ADAD1: variants seen among roughly 807,000 people sequenced by gnomAD.
The protein encoded by ADAD1 is adenosine deaminase domain-containing protein 1.
In ADAD1, 46 loss-of-function variants were observed where a neutral mutation model predicts 66.8. The observed-to-expected ratio is 0.69, with a 90% CI of 0.54 to 0.88. The LOEUF (loss-of-function observed/expected upper bound fraction) is 0.88. Among genes scored for constraint, ADAD1 ranks in the 40% least tolerant of loss-of-function variants. The pLI is 0.00. For missense variants in ADAD1, 617 were observed against 681.8 expected (o/e 0.91, Z 1.06); for synonymous variants, 248 against 229.4 (o/e 1.08, Z -0.73).
intron 5 of ADAD1, among the ~76,000 whole-genome samples, chr4:122,385,771 C>T (rs912934592): frequency 6.6e-6 from 1 of 152,140 alleles, no homozygotes; most frequent in Non-Finnish European, 1.5e-5. Context: ...TCAGCTCCCA[C>T]TTATGAGTGA....
chr4:122,386,106 A>G (rs1795159601), intron 5 of ADAD1, among the ~76,000 whole-genome samples: 1 of 152,124 alleles, frequency 6.6e-6, no homozygotes. Context: ...TAGATCCTTG[A>G]AGAATCACCA....
chr4:122,415,037 A>T (rs368723113), intron 10 of ADAD1, among the ~76,000 whole-genome samples: 2 of 152,144 alleles, frequency 1.3e-5, no homozygotes, highest in Non-Finnish European at 2.9e-5. Flanking sequence ...AGAAATCAGC[A>T]TACAATGCGG....
At chr4:122,415,813 A>T (rs1406194136) in intron 11 of ADAD1, among the ~76,000 whole-genome samples, 197 bp downstream of exon 11, 1 of 152,074 alleles carries the variant, frequency 6.6e-6, no homozygotes, top group East Asian at 1.9e-4. Context: ...TTTTCTGATG[A>T]GAAGACAGAT....
At chr4:122,380,495 A>C (rs1794840736) in intron 3 of ADAD1, 1 of 464,450 alleles carries the variant, frequency 2.2e-6, no homozygotes, top group Non-Finnish European at 3.8e-6. Context: ...TGCCTTTCTG[A>C]GGTGAGGCGC....
Position 122,389,236 on chromosome 4 carries a change from G to A in ADAD1, c.530-4353G>A, listed in dbSNP as rs368055832. On this transcript the variant is annotated intron_variant, in intron 5 of 12. Coordinates refer to ENST00000296513, the MANE Select transcript of ADAD1 (RefSeq NM_139243.4). Reference sequence around the variant, plus strand: ...TGCACTGTAGTCTGAGAGACTGTTAGGATTTCAGTTCTTTTGCATTTGCTG... The same window carrying A: ...TGCACTGTAGTCTGAGAGACTGTTAAGATTTCAGTTCTTTTGCATTTGCTG... 2.6e-5 allele frequency among the ~76,000 whole-genome samples: 4 copies of A among 151,334 alleles called. No individual in the cohort carries two copies. In the East Asian group the frequency reaches 5.9e-4, roughly 22 times the overall value.
At chr4:122,383,184 T>G (rs976502318) in intron 4 of ADAD1, among the ~76,000 whole-genome samples, 1 of 152,106 alleles carries the variant, frequency 6.6e-6, no homozygotes, top group Non-Finnish European at 1.5e-5. Context: ...GTTTAATTCT[T>G]TAGTTTATCA....
At chr4:122,412,523 G>A in intron 9 of ADAD1, 57 bp from the exon 10 acceptor site, 1 of 1,437,788 alleles carries the variant, frequency 7.0e-7, no homozygotes, top group East Asian at 2.3e-5. Context: ...GGTACAGGTA[G>A]ATTTTGTTCT....
At position 122,399,956 on chromosome 4, in the gene ADAD1, G is replaced by A. The variant is rs552655790; in HGVS notation, c.724+3579G>A. Among the ~76,000 whole-genome samples, 325 of 152,126 alleles carry A rather than the reference G, an allele frequency of 2.1e-3. 1 individual carries two copies. Among genetic ancestry groups the A allele is most frequent in the Non-Finnish European group, 3.9e-3 (266 of 67,940 alleles). The stretch of plus-strand genomic sequence containing the variant: ...ATCATACCATCAGTGAACAGTGACA[G>A]TTTGACTCCCTCTTTACTGATGTGG... On this transcript the variant is annotated intron_variant, in intron 7 of 12. Transcript: ENST00000296513.
intron 7 of ADAD1, among the ~76,000 whole-genome samples, chr4:122,396,751 C>T (rs1264875355): frequency 6.6e-6 from 1 of 152,076 alleles, no homozygotes; most frequent in Non-Finnish European, 1.5e-5. Flanking sequence ...ATGTTTTTAT[C>T]TTGTGTTAAC....
At chr4:122,422,325 A>G (rs2150603314) in intron 12 of ADAD1, among the ~76,000 whole-genome samples, 1 of 152,196 alleles carries the variant, frequency 6.6e-6, no homozygotes, top group Non-Finnish European at 1.5e-5. Context: ...GGGTTTCGCC[A>G]TGTTGGCCGG....
chr4:122,383,658 C>T, intron 4 of ADAD1, 141 bp from the exon 5 acceptor site: 1 of 897,628 alleles, frequency 1.1e-6, no homozygotes, highest in Non-Finnish European at 1.7e-6. Context: ...TCCTATTGGT[C>T]CTACAAAAGG....
intron 7 of ADAD1, among the ~76,000 whole-genome samples, chr4:122,406,201 A>T (rs1213774793): frequency 6.6e-6 from 1 of 152,196 alleles, no homozygotes; most frequent in Non-Finnish European, 1.5e-5. Context: ...CCAACAACAT[A>T]TAAGGGTTTT....
In ADAD1 at chr4:122,411,378, G is replaced by A; in HGVS notation, c.1005G>A (p.Gln335=). The A allele has an allele frequency of 5.6e-6, 9 of 1,611,174 alleles. No homozygotes were observed. Among genetic ancestry groups the A allele is most frequent in the Non-Finnish European group, 7.6e-6 (9 of 1,179,084 alleles). ...ACCAGTTGCCTAAAGGATCAGCCCA[G>A]ATTAAGTCACAGTTGTAAGTATTAT... is the stretch of plus-strand genomic sequence containing the variant. ...YMNQLPKGSA[Q]IKSQLRLNPH... Residue 335 remains glutamine (Q), a synonymous_variant, in exon 9 of 13, where the codon CAG becomes CAA. Coordinates refer to ENST00000296513, the MANE Select transcript of ADAD1 (RefSeq NM_139243.4).
intron 12 of ADAD1, among the ~76,000 whole-genome samples, chr4:122,425,476 A>G (rs1252905679): frequency 1.3e-5 from 2 of 152,058 alleles, no homozygotes; most frequent in African/African-American, 4.8e-5. Flanking sequence ...AAATATCTTG[A>G]ACTAAGTGAA....
intron 7 of ADAD1, 25 bp downstream of exon 7, chr4:122,396,402 C>T: frequency 6.5e-7 from 1 of 1,535,372 alleles, no homozygotes; most frequent in Non-Finnish European, 8.8e-7. Flanking sequence ...TTGGGAAAAA[C>T]TAATATTGTA....
rs1796402333 is a variant in ADAD1 at position 122,410,083 on chromosome 4, T to C, written c.849-1139T>C. Among the ~76,000 whole-genome samples, 3 of 152,324 alleles carry C rather than the reference T, an allele frequency of 2.0e-5. No individual in the cohort carries two copies. The South Asian group carries it at 6.2e-4, about 32-fold the overall frequency. Reference sequence around the variant, plus strand: ...CTACTGTCCTTGTTAAATCTCTGCATTCTCACTTTTTGTGTTGGTGTTTTC... The same window carrying C: ...CTACTGTCCTTGTTAAATCTCTGCACTCTCACTTTTTGTGTTGGTGTTTTC... On this transcript the variant is annotated intron_variant, in intron 8 of 12. Coordinates refer to ENST00000296513, the MANE Select transcript of ADAD1 (RefSeq NM_139243.4).
chr4:122,422,956 T>TAAAAAAAAAA (rs537676034), intron 12 of ADAD1, among the ~76,000 whole-genome samples: 1 of 97,184 alleles, frequency 1.0e-5, no homozygotes, highest in African/African-American at 4.1e-5. Flanking sequence ...TATTTCTCTT[T>TAAAAAAAAAA]AAAAAAAAAA....
chr4:122,384,025 C>A, intron 5 of ADAD1, 59 bp downstream of exon 5: 2 of 1,412,782 alleles, frequency 1.4e-6, no homozygotes, highest in East Asian at 2.4e-5. Flanking sequence ...AAGGAATCAC[C>A]TGAAAGATTT....
rs112075307 is a variant in ADAD1 at position 122,398,317 on chromosome 4, G to GGTGTGT, written c.724+1965_724+1970dup. Among the ~76,000 whole-genome samples the GGTGTGT allele has an allele frequency of 8.6e-3, 1,272 of 148,660 alleles. 8 individuals carry two copies. Among genetic ancestry groups the GGTGTGT allele is most frequent in the African/African-American group, 0.029 (1,173 of 40,496 alleles). On this transcript the variant is annotated intron_variant, in intron 7 of 12. Coordinates refer to ENST00000296513, the MANE Select transcript of ADAD1 (RefSeq NM_139243.4). ...CTATCCAGGCTGAGTAGTATTCCAG[G>GGTGTGT]GTGTGTGTGTGTGTGTGTGTGTGTG...
Sources: gnomAD v4.1 joint callset for allele counts (sites outside exome capture counted in the v4.1 genomes callset) on GRCh38, gnomAD v4.1.1 for gene constraint, MANE v1.5 for transcripts, NCBI Gene and HGNC (gene_info 2026-07-23, HGNC 2026-07-21) for gene names.